NSMCE2: variants seen among roughly 807,000 people sequenced by gnomAD.
NSMCE2 encodes the protein E3 SUMO-protein ligase NSE2.
In NSMCE2, 24 loss-of-function variants were observed where a neutral mutation model predicts 23.8. That is an observed-to-expected ratio of 1.01 (90% CI 0.73 to 1.42). NSMCE2 has a LOEUF of 1.42. Among genes scored for constraint, NSMCE2 ranks in the 40% most tolerant of loss-of-function variants. The pLI is 0.00. For missense variants in NSMCE2, 284 were observed against 296.5 expected (o/e 0.96, Z 0.31); for synonymous variants, 92 against 94.1 (o/e 0.98, Z 0.13).
At chr8:125,204,446 A>G (rs1040476577) in intron 5 of NSMCE2, among the ~76,000 whole-genome samples, 4 of 152,198 alleles carry the variant, frequency 2.6e-5, no homozygotes, top group African/African-American at 4.8e-5. Context: ...GAAACTTACA[A>G]ATTAGACTCA....
intron 5 of NSMCE2, among the ~76,000 whole-genome samples, chr8:125,269,930 G>C (rs974845141): frequency 6.6e-6 from 1 of 152,144 alleles, no homozygotes; most frequent in Non-Finnish European, 1.5e-5. Flanking sequence ...ATAATTTATT[G>C]ATTACGTATG....
intron 5 of NSMCE2, among the ~76,000 whole-genome samples, chr8:125,254,242 CTT>C (rs1826317669): frequency 2.0e-5 from 3 of 152,126 alleles, no homozygotes; most frequent in African/African-American, 7.2e-5. Flanking sequence ...AAACAAAAGT[CTT>C]TTGCATTTTT....
chr8:125,230,432 T>A (rs1215484825), intron 5 of NSMCE2, among the ~76,000 whole-genome samples: 1 of 152,202 alleles, frequency 6.6e-6, no homozygotes. Context: ...TATGATTTTT[T>A]AAAAACCTTC....
chr8:125,201,869 G>T (rs370133431), intron 5 of NSMCE2, among the ~76,000 whole-genome samples: 1 of 152,188 alleles, frequency 6.6e-6, no homozygotes, highest in Non-Finnish European at 1.5e-5. Context: ...CTTCTCAGCC[G>T]CTTTGTTTAC....
At chr8:125,365,903 G>A (rs1371648768) in intron 7 of NSMCE2, among the ~76,000 whole-genome samples, 2 of 152,026 alleles carry the variant, frequency 1.3e-5, no homozygotes, top group Non-Finnish European at 2.9e-5. Flanking sequence ...AGCCCCATTG[G>A]CGCACTGACC....
At chr8:125,290,848 C>T (rs1828080044) in intron 5 of NSMCE2, among the ~76,000 whole-genome samples, 1 of 152,206 alleles carries the variant, frequency 6.6e-6, no homozygotes, top group African/African-American at 2.4e-5. Context: ...TGTAGTAGCA[C>T]TATCTCAGTA....
intron 5 of NSMCE2, among the ~76,000 whole-genome samples, chr8:125,342,199 T>C (rs1020203470): frequency 6.6e-6 from 1 of 152,214 alleles, no homozygotes; most frequent in African/African-American, 2.4e-5. Flanking sequence ...CACTCGTAAT[T>C]GTCACCTGCC....
intron 4 of NSMCE2, among the ~76,000 whole-genome samples, chr8:125,161,309 A>AG (rs1350792833): frequency 6.6e-6 from 1 of 152,192 alleles, no homozygotes; most frequent in Non-Finnish European, 1.5e-5. Context: ...TTTTAAAAAA[A>AG]AAGTCTAATA....
At chr8:125,206,177 A>G (rs1824111016) in intron 5 of NSMCE2, among the ~76,000 whole-genome samples, 1 of 152,252 alleles carries the variant, frequency 6.6e-6, no homozygotes, top group Admixed American at 6.5e-5. Flanking sequence ...ACTGTAAGCC[A>G]TGAACAGAAA....
At chr8:125,305,506 C>A (rs529515341) in intron 5 of NSMCE2, among the ~76,000 whole-genome samples, 1 of 152,152 alleles carries the variant, frequency 6.6e-6, no homozygotes, top group Non-Finnish European at 1.5e-5. Flanking sequence ...GCAGAGATAT[C>A]TTGAAGGCAG....
At chr8:125,310,320 AGTTT>A (rs1293281938) in intron 5 of NSMCE2, among the ~76,000 whole-genome samples, 1 of 152,048 alleles carries the variant, frequency 6.6e-6, no homozygotes, top group African/African-American at 2.4e-5. Flanking sequence ...TTTGCTCCTC[AGTTT>A]TTTTTAATCC....
intron 5 of NSMCE2, among the ~76,000 whole-genome samples, chr8:125,268,191 A>C (rs1385828731): frequency 6.6e-6 from 1 of 151,848 alleles, no homozygotes; most frequent in African/African-American, 2.4e-5. Flanking sequence ...CCATGATCAC[A>C]CCACTGCACT....
At chr8:125,255,854 G>C (rs946767038) in intron 5 of NSMCE2, among the ~76,000 whole-genome samples, 13 of 152,190 alleles carry the variant, frequency 8.5e-5, no homozygotes, top group Non-Finnish European at 1.6e-4. Flanking sequence ...GAAGCATGAA[G>C]ACCAGTCAGA....
chr8:125,159,593 C>T (rs953885038), intron 4 of NSMCE2, among the ~76,000 whole-genome samples: 2 of 152,070 alleles, frequency 1.3e-5, no homozygotes, highest in East Asian at 1.9e-4. Context: ...AGAAAGTATC[C>T]CCATCGTTAA....
At chr8:125,357,362 T>C in intron 6 of NSMCE2, 43 bp downstream of exon 6, 1 of 1,267,504 alleles carries the variant, frequency 7.9e-7, no homozygotes, top group Non-Finnish European at 1.2e-6. Context: ...CACGATTCAC[T>C]TCACAGAGGC....
intron 5 of NSMCE2, among the ~76,000 whole-genome samples, chr8:125,226,583 G>C (rs1825106273): frequency 6.6e-6 from 1 of 152,110 alleles, no homozygotes; most frequent in Admixed American, 6.5e-5. Context: ...GATCCACTCG[G>C]ATTAGTGTTG....
intron 5 of NSMCE2, among the ~76,000 whole-genome samples, chr8:125,356,946 T>G (rs1406970688): frequency 6.6e-6 from 1 of 152,248 alleles, no homozygotes; most frequent in Non-Finnish European, 1.5e-5. Context: ...GTCGGTTCTC[T>G]GACTCTGAAG....
At position 125,238,339 on chromosome 8, in the gene NSMCE2, A is replaced by G. The variant is rs1368812193; in HGVS notation, c.418+56083A>G. 2.0e-5 allele frequency among the ~76,000 whole-genome samples: 3 copies of G among 152,214 alleles called. No homozygotes were observed. The East Asian group carries it at 5.8e-4, about 29-fold the overall frequency. On this transcript the variant is annotated intron_variant, in intron 5 of 7. Transcript: ENST00000287437. Reference sequence around the variant, plus strand: ...AAGGGTTTCAAGTTCCATGTAAGTTATAGAAAAAAATAAAGCACAAGTTCT... The same window carrying G: ...AAGGGTTTCAAGTTCCATGTAAGTTGTAGAAAAAAATAAAGCACAAGTTCT...
chr8:125,287,414 T>A (rs1827943442), intron 5 of NSMCE2, among the ~76,000 whole-genome samples: 1 of 152,220 alleles, frequency 6.6e-6, no homozygotes, highest in Non-Finnish European at 1.5e-5. Context: ...CATTGTTTCA[T>A]GCCTGCTGCT....
Sources: gnomAD v4.1 joint callset for allele counts (sites outside exome capture counted in the v4.1 genomes callset) on GRCh38, gnomAD v4.1.1 for gene constraint, MANE v1.5 for transcripts, NCBI Gene and HGNC (gene_info 2026-07-23, HGNC 2026-07-21) for gene names.